The following ELMO1 variants were observed in gnomAD, a reference collection of about 807,000 sequenced individuals.
ELMO1 encodes engulfment and cell motility 1.
A neutral mutation model predicts 98.9 loss-of-function variants in ELMO1; 26 were observed. The ratio of observed to expected loss-of-function variants is 0.26; its 90% CI spans 0.19 to 0.36. ELMO1 has a LOEUF of 0.36. ELMO1 is among the 10% of genes least tolerant of loss of function. The pLI, the probability that ELMO1 is intolerant of heterozygous loss-of-function variation, is 1.00. For missense variants in ELMO1, 627 were observed against 935.2 expected, an observed-to-expected ratio of 0.67 and a Z score of 4.30; for synonymous variants, 346 against 346.0, an observed-to-expected ratio of 1.00 and a Z score of 0.00.
chr7:37,343,480 C>T (rs867511469), intron 1 of ELMO1, among the ~76,000 whole-genome samples: 1 of 144,846 alleles, frequency 6.9e-6, no homozygotes, highest in South Asian at 2.2e-4. Flanking sequence ...CCCAGGCTAG[C>T]CCATTTCTTT....
chr7:37,028,467 C>T (rs1794703166), intron 15 of ELMO1, among the ~76,000 whole-genome samples: 1 of 152,102 alleles, frequency 6.6e-6, no homozygotes, highest in Non-Finnish European at 1.5e-5. Flanking sequence ...CCATGGCAGA[C>T]ATGTATTCCC....
At chr7:37,152,027 T>C (rs186366462) in intron 13 of ELMO1, among the ~76,000 whole-genome samples, 4 of 152,226 alleles carry the variant, frequency 2.6e-5, no homozygotes, top group Admixed American at 2.0e-4. Flanking sequence ...GTAATAACCT[T>C]GATGAAGGAT....
At chr7:37,203,126 A>G (rs1792393303) in intron 13 of ELMO1, among the ~76,000 whole-genome samples, 2 of 152,224 alleles carry the variant, frequency 1.3e-5, no homozygotes, top group African/African-American at 4.8e-5. Context: ...AGGAGGACCA[A>G]GAAGGTCAGA....
intron 15 of ELMO1, among the ~76,000 whole-genome samples, chr7:37,074,748 C>T (rs1797471381): frequency 6.6e-6 from 1 of 152,116 alleles, no homozygotes; most frequent in South Asian, 2.1e-4. Flanking sequence ...GAGAACGTAC[C>T]AAAGAGCAGA....
intron 18 of ELMO1, among the ~76,000 whole-genome samples, chr7:36,882,614 A>C (rs1192809964): frequency 6.6e-6 from 1 of 152,244 alleles, no homozygotes; most frequent in Non-Finnish European, 1.5e-5. Context: ...AGGTGCCTTG[A>C]AGTCACACAT....
At chr7:36,973,112 A>C (rs1790121116) in intron 16 of ELMO1, among the ~76,000 whole-genome samples, 1 of 152,218 alleles carries the variant, frequency 6.6e-6, no homozygotes, top group Non-Finnish European at 1.5e-5. Flanking sequence ...TGAGGAGGAC[A>C]TATTTCAAAC....
intron 1 of ELMO1, among the ~76,000 whole-genome samples, chr7:37,418,877 C>T (rs1378627417): frequency 6.6e-6 from 1 of 152,144 alleles, no homozygotes; most frequent in African/African-American, 2.4e-5. Context: ...GTCAAGTGCC[C>T]AGCTCTCAGG....
chr7:37,186,605 CAAT>C (rs573159839), intron 13 of ELMO1, among the ~76,000 whole-genome samples: 11 of 152,098 alleles, frequency 7.2e-5, no homozygotes, highest in Non-Finnish European at 1.6e-4. Flanking sequence ...TATTACAACT[CAAT>C]GATTAAAAGA....
At chr7:37,028,543 A>T (rs1035376624) in intron 15 of ELMO1, among the ~76,000 whole-genome samples, 5 of 152,074 alleles carry the variant, frequency 3.3e-5, no homozygotes, top group Non-Finnish European at 7.4e-5. Flanking sequence ...TTTTCATTTC[A>T]AGGACTACTT....
chr7:37,025,788 T>C (rs1794531742), intron 15 of ELMO1, among the ~76,000 whole-genome samples: 1 of 151,678 alleles, frequency 6.6e-6, no homozygotes, highest in Non-Finnish European at 1.5e-5. Context: ...TTATTCCTAA[T>C]GATAAATCTC....
intron 15 of ELMO1, among the ~76,000 whole-genome samples, chr7:37,033,980 GACTT>G (rs1403895508): frequency 2.0e-5 from 3 of 152,190 alleles, no homozygotes; most frequent in Admixed American, 1.3e-4. Context: ...AGCATTAGTG[GACTT>G]ACTTACATTG....
At chr7:36,990,850 C>T (rs139023931) in intron 16 of ELMO1, among the ~76,000 whole-genome samples, 201 of 152,188 alleles carry the variant, frequency 1.3e-3, no homozygotes, top group African/African-American at 4.3e-3. Flanking sequence ...TCTAAACTGG[C>T]TGTCCAAATT....
At chr7:37,416,853 A>G (rs1804237260) in intron 1 of ELMO1, among the ~76,000 whole-genome samples, 1 of 152,250 alleles carries the variant, frequency 6.6e-6, no homozygotes, top group Non-Finnish European at 1.5e-5. Flanking sequence ...ATTTGTGTGC[A>G]GGTGAGTCAG....
At chr7:37,394,745 G>A (rs1341370990) in intron 1 of ELMO1, among the ~76,000 whole-genome samples, 1 of 152,132 alleles carries the variant, frequency 6.6e-6, no homozygotes, top group Non-Finnish European at 1.5e-5. Context: ...AGGAGGGCCT[G>A]GGGGGCTTCT....
intron 13 of ELMO1, among the ~76,000 whole-genome samples, chr7:37,198,107 CA>C (rs1792076753): frequency 6.6e-6 from 1 of 152,132 alleles, no homozygotes; most frequent in African/African-American, 2.4e-5. Context: ...TCCTGAGTAG[CA>C]AAAATACAGA....
intron 16 of ELMO1, among the ~76,000 whole-genome samples, chr7:37,008,286 T>C (rs1793288831): frequency 6.6e-6 from 1 of 152,228 alleles, no homozygotes; most frequent in Non-Finnish European, 1.5e-5. Context: ...AGCCATTAAA[T>C]ATGTGAAAAT....
chr7:37,031,594 G>A (rs900925697), intron 15 of ELMO1, among the ~76,000 whole-genome samples: 2 of 152,164 alleles, frequency 1.3e-5, no homozygotes, highest in East Asian at 3.9e-4. Context: ...CCTTCTAAGT[G>A]TCTCCATCTG....
chr7:36,926,089 G>C (rs1416104368), intron 16 of ELMO1, among the ~76,000 whole-genome samples: 1 of 152,102 alleles, frequency 6.6e-6, no homozygotes, highest in Non-Finnish European at 1.5e-5. Context: ...GGCTACAACT[G>C]CAGGGTAATA....
At chr7:36,868,326 G>GCTTCTTCTT (rs201784212) in intron 20 of ELMO1, among the ~76,000 whole-genome samples, 2 of 138,002 alleles carry the variant, frequency 1.4e-5, no homozygotes, top group Non-Finnish European at 3.0e-5. Flanking sequence ...GCTTTGTTCT[G>GCTTCTTCTT]CTTCTTCTTC....
Sources: gnomAD v4.1 joint callset for allele counts (sites outside exome capture counted in the v4.1 genomes callset) on GRCh38, gnomAD v4.1.1 for gene constraint, MANE v1.5 for transcripts, NCBI Gene and HGNC (gene_info 2026-07-23, HGNC 2026-07-21) for gene names.